SUFU: variants seen among roughly 807,000 people sequenced by gnomAD.
The protein encoded by SUFU is suppressor of fused homolog.
In SUFU, 7 loss-of-function variants were observed where a neutral mutation model predicts 58.9. The observed-to-expected ratio is 0.12, with a 90% confidence interval of 0.07 to 0.22. The LOEUF (loss-of-function observed/expected upper bound fraction) is 0.22. SUFU is among the 10% of genes least tolerant of loss of function. The pLI is 1.00. For synonymous variants in SUFU, 232 were observed against 254.8 expected (o/e 0.91, Z 0.85); for missense variants, 451 against 641.3 (o/e 0.70, Z 3.20).
At chr10:102,601,433 GA>G (rs1210037826) in intron 8 of SUFU, among the ~76,000 whole-genome samples, 1 of 152,216 alleles carries the variant, frequency 6.6e-6, no homozygotes, top group Non-Finnish European at 1.5e-5. Flanking sequence ...TGAGTTGGCT[GA>G]GATACAGAGA....
At chr10:102,593,493 C>A in intron 4 of SUFU, 143 bp from the exon 5 acceptor site, 1 of 846,856 alleles carries the variant, frequency 1.2e-6, no homozygotes, top group South Asian at 1.4e-5. Context: ...GGGAATCATC[C>A]AATCTTGGCT....
chr10:102,587,743 C>T (rs2063349314), intron 3 of SUFU, among the ~76,000 whole-genome samples: 1 of 152,198 alleles, frequency 6.6e-6, no homozygotes, highest in South Asian at 2.1e-4. Flanking sequence ...ATCTGCCCAC[C>T]TCAGCCTCCC....
chr10:102,509,190 G>T lies in SUFU; in HGVS notation c.204G>T (p.Leu68Phe). 6.2e-7 allele frequency: 1 copy of T among 1,614,144 alleles called. No individual in the cohort carries two copies. Among genetic ancestry groups the T allele is most frequent in the Non-Finnish European group, 8.5e-7 (1 of 1,180,036 alleles). ...GCAGGTTGGGTGGCCCAGACCCCTT[G>T]GACTATGTTAGCATGTACAGGAATG... ...VKYWLGGPDP[L>F]DYVSMYRNVG... The change falls in exon 2 of 12, where the codon TTG becomes TTT. Residue 68 changes from leucine to phenylalanine, a missense_variant. Coordinates refer to ENST00000369902, the MANE Select transcript of SUFU (RefSeq NM_016169.4).
intron 10 of SUFU, 55 bp from the exon 11 acceptor site, chr10:102,627,120 C>A (rs1318014338): frequency 1.2e-5 from 19 of 1,594,850 alleles, no homozygotes; most frequent in Non-Finnish European, 1.6e-5. Flanking sequence ...TGGTGGTTGG[C>A]AAAAAGATCA....
At chr10:102,516,366 C>T (rs539310256) in intron 2 of SUFU, among the ~76,000 whole-genome samples, 2 of 152,100 alleles carry the variant, frequency 1.3e-5, no homozygotes, top group South Asian at 4.1e-4. Flanking sequence ...TTTGTAGCTA[C>T]AGGAAGACCT....
Position 102,616,928 on chromosome 10 carries a change from C to T in SUFU, c.1158-362C>T, listed in dbSNP as rs566398903. On this transcript the variant is annotated intron_variant, in intron 9 of 11. Coordinates refer to ENST00000369902, the MANE Select transcript of SUFU (RefSeq NM_016169.4). ...CCGTCCCCTAAGGGGGGATGTGACC[C>T]CCCTCTTACCTCTGGGCATGACCTT... 2.6e-5 allele frequency among the ~76,000 whole-genome samples: 4 copies of T among 152,308 alleles called. No individual in the cohort carries two copies. In the East Asian group the frequency reaches 7.7e-4, roughly 29 times the overall value.
At chr10:102,545,116 C>CT (rs555758506) in intron 2 of SUFU, among the ~76,000 whole-genome samples, 102 of 143,304 alleles carry the variant, frequency 7.1e-4, no homozygotes, top group African/African-American at 1.7e-3. Flanking sequence ...TTTCTTTTTT[C>CT]TTTTTTTTTT....
intron 2 of SUFU, among the ~76,000 whole-genome samples, chr10:102,515,259 G>A (rs545350669): frequency 1.8e-4 from 28 of 151,420 alleles, no homozygotes; most frequent in African/African-American, 5.8e-4. Flanking sequence ...TGTGGCCTCC[G>A]TCTCCTGCAG....
intron 3 of SUFU, among the ~76,000 whole-genome samples, chr10:102,561,217 C>T (rs940874064): frequency 6.6e-6 from 1 of 152,164 alleles, no homozygotes; most frequent in Admixed American, 6.5e-5. Flanking sequence ...TTAACCTTTA[C>T]ATGTTAATAA....
chr10:102,504,460 T>C, intron 1 of SUFU, 126 bp downstream of exon 1: 22 of 1,514,266 alleles, frequency 1.5e-5, no homozygotes, highest in Non-Finnish European at 4.4e-6. Context: ...GAAGGAGGGC[T>C]TCTTGCTGCG....
intron 10 of SUFU, 59 bp from the exon 11 acceptor site, chr10:102,627,116 T>C (rs905737209): frequency 2.5e-6 from 4 of 1,584,266 alleles, no homozygotes; most frequent in Admixed American, 1.7e-5. Flanking sequence ...CGCTTGGTGG[T>C]TGGCAAAAAG....
At chr10:102,534,180 G>A (rs1440325557) in intron 2 of SUFU, among the ~76,000 whole-genome samples, 2 of 152,178 alleles carry the variant, frequency 1.3e-5, no homozygotes, top group Non-Finnish European at 2.9e-5. Context: ...TGTAATCCCA[G>A]CACTTTGGGA....
In SUFU at chr10:102,631,511, T is replaced by A. The variant is rs1341710884; in HGVS notation, c.*1356T>A. The A allele has an allele frequency of 8.6e-6, 2 of 233,462 alleles. No homozygotes were observed. The highest frequency in any genetic ancestry group is 4.4e-5 in the African/African-American group (2 of 45,334). The allele number at this position is 233,462 out of a possible 1,614,324, so 14.5% of individuals were successfully genotyped here. On this transcript the variant is annotated 3_prime_UTR_variant, in exon 12 of 12. Transcript: ENST00000369902. Reference sequence around the variant, plus strand: ...TTTCCTGCCTTCTTACCCCCAACTCTAGGGATGGGACTGTTACAATACTTC... The same window carrying A: ...TTTCCTGCCTTCTTACCCCCAACTCAAGGGATGGGACTGTTACAATACTTC...
chr10:102,606,108 T>C (rs183220213), intron 8 of SUFU, among the ~76,000 whole-genome samples: 1 of 152,264 alleles, frequency 6.6e-6, no homozygotes, highest in Admixed American at 6.5e-5. Flanking sequence ...TGAGACTCTG[T>C]TGGTCTGTTA....
intron 2 of SUFU, among the ~76,000 whole-genome samples, chr10:102,510,857 A>G (rs867374372): frequency 3.9e-5 from 6 of 151,908 alleles, no homozygotes; most frequent in Admixed American, 6.6e-5. Context: ...GTGGTGGCTC[A>G]CGCCTATAAT....
chr10:102,575,177 AC>A (rs901185383), intron 3 of SUFU, among the ~76,000 whole-genome samples: 4 of 151,942 alleles, frequency 2.6e-5, no homozygotes, highest in Non-Finnish European at 2.9e-5. Context: ...TGGTGCCACC[AC>A]ACTCCAGCCT....
rs1282185038 is a variant in SUFU, at chr10:102,625,910, C to T, written c.1297-1265C>T. ...ACAGCGTGGAAACTTTTGTTCTTGG[C>T]AGCTGACAATTCCCAGGGGAAACCT... On this transcript the variant is annotated intron_variant, in intron 10 of 11. Transcript: ENST00000369902. This position sits in a 1 kb window ranked among gnomAD's most constrained non-coding sequence, Gnocchi z 4.7. Among the ~76,000 whole-genome samples, 1 of 152,214 alleles carries T rather than the reference C, an allele frequency of 6.6e-6. No homozygotes were observed. Among genetic ancestry groups the T allele is most frequent in the Non-Finnish European group, 1.5e-5 (1 of 68,044 alleles).
chr10:102,566,173 C>T (rs1313103809), intron 3 of SUFU, among the ~76,000 whole-genome samples: 1 of 152,180 alleles, frequency 6.6e-6, no homozygotes, highest in Non-Finnish European at 1.5e-5. Context: ...ATCCAAATGG[C>T]AGGTTGCCTG....
chr10:102,579,588 T>C (rs1590049054), intron 3 of SUFU, among the ~76,000 whole-genome samples: 2 of 152,316 alleles, frequency 1.3e-5, no homozygotes, highest in South Asian at 4.1e-4. Flanking sequence ...GTTTTGAGTC[T>C]CCTTTGGCTA....
Sources: allele counts gnomAD v4.1 joint callset (sites outside exome capture counted in the v4.1 genomes callset), GRCh38; gene constraint gnomAD v4.1.1; non-coding constraint Gnocchi (gnomAD v3.1); transcripts MANE v1.5; gene names NCBI Gene and HGNC (gene_info 2026-07-23, HGNC 2026-07-21).